WDR70: variants seen among roughly 807,000 people sequenced by gnomAD.
WDR70 encodes WD repeat domain 70, also known as WD repeat-containing protein 70.
Under a neutral mutation model 88.6 loss-of-function variants are expected in WDR70, and 53 were observed. That is an observed-to-expected ratio of 0.60 (90% CI 0.48 to 0.75). The LOEUF (loss-of-function observed/expected upper bound fraction) is 0.75. WDR70 is among the 30% of genes least tolerant of loss of function. The pLI, the probability that WDR70 is intolerant of heterozygous loss-of-function variation, is 0.00. For missense variants in WDR70, 610 were observed against 823.2 expected (o/e 0.74, Z 3.17); for synonymous variants, 280 against 270.0 (o/e 1.04, Z -0.36).
chr5:37,475,146 C>T (rs1053752370), intron 7 of WDR70, among the ~76,000 whole-genome samples: 13 of 151,954 alleles, frequency 8.6e-5, no homozygotes, highest in African/African-American at 2.9e-4. Flanking sequence ...TCTTGAACTC[C>T]TGGCCTCAAG....
intron 9 of WDR70, among the ~76,000 whole-genome samples, chr5:37,551,780 T>G (rs1366228646): frequency 6.9e-6 from 1 of 144,168 alleles, no homozygotes; most frequent in Non-Finnish European, 1.5e-5. Context: ...TTTTTTTTTT[T>G]TTTTTTTTTT....
chr5:37,639,825 G>A (rs920996827), intron 10 of WDR70, among the ~76,000 whole-genome samples: 3 of 152,058 alleles, frequency 2.0e-5, no homozygotes, highest in Non-Finnish European at 4.4e-5. Flanking sequence ...CTTTTAAATT[G>A]CCTATATCAT....
At chr5:37,716,560 C>A (rs74778538) in intron 13 of WDR70, among the ~76,000 whole-genome samples, 3,969 of 152,206 alleles carry the variant, frequency 0.026, 103 homozygotes, top group South Asian at 0.12. Flanking sequence ...ATTGACCCAG[C>A]TCCTCTATGT....
chr5:37,692,723 A>G (rs74973148), intron 10 of WDR70, among the ~76,000 whole-genome samples: 2 of 152,222 alleles, frequency 1.3e-5, no homozygotes, highest in Non-Finnish European at 2.9e-5. Context: ...TCTCAAATTA[A>G]TAAGAGCTAT....
chr5:37,598,416 CAT>C (rs1182950130), intron 9 of WDR70, among the ~76,000 whole-genome samples: 1 of 152,168 alleles, frequency 6.6e-6, no homozygotes. Context: ...GGGATATAAA[CAT>C]ATCTAGGATA....
At chr5:37,715,865 G>C (rs1581522457) in intron 13 of WDR70, among the ~76,000 whole-genome samples, 1 of 151,446 alleles carries the variant, frequency 6.6e-6, no homozygotes, top group East Asian at 1.9e-4. Context: ...ATTTGTTTTG[G>C]GTTCACATCT....
At chr5:37,389,262 TTTTGTA>T in intron 3 of WDR70, among the ~76,000 whole-genome samples, 1 of 147,422 alleles carries the variant, frequency 6.8e-6, no homozygotes, top group African/African-American at 2.7e-5. Context: ...CTGGCTAATT[TTTTGTA>T]TTTTAGTAGA....
At chr5:37,414,784 C>CTT (rs11339547) in intron 5 of WDR70, among the ~76,000 whole-genome samples, 19 of 147,094 alleles carry the variant, frequency 1.3e-4, no homozygotes, top group African/African-American at 3.2e-4. Flanking sequence ...CACAATTATT[C>CTT]TTTTTTTTTT....
intron 9 of WDR70, among the ~76,000 whole-genome samples, chr5:37,549,635 C>A (rs1165983997): frequency 6.6e-6 from 1 of 152,078 alleles, no homozygotes. Flanking sequence ...TTATAGGTTT[C>A]TTTTATCTGA....
chr5:37,484,566 C>T (rs917529940), intron 8 of WDR70, among the ~76,000 whole-genome samples: 9 of 151,508 alleles, frequency 5.9e-5, no homozygotes, highest in East Asian at 1.9e-4. Flanking sequence ...AGAGGGAGAC[C>T]GTGGGGAGAG....
chr5:37,406,493 TA>T (rs1460746218), intron 5 of WDR70, among the ~76,000 whole-genome samples: 1 of 152,218 alleles, frequency 6.6e-6, no homozygotes, highest in Non-Finnish European at 1.5e-5. Flanking sequence ...TCCTTCACTT[TA>T]AAGCTGTGTG....
chr5:37,508,945 A>G (rs1740639366), intron 8 of WDR70, among the ~76,000 whole-genome samples: 1 of 152,174 alleles, frequency 6.6e-6, no homozygotes. Context: ...GCTTTTAACT[A>G]TGAATTCAGT....
intron 5 of WDR70, among the ~76,000 whole-genome samples, chr5:37,403,222 A>G (rs1749255615): frequency 6.6e-6 from 1 of 152,126 alleles, no homozygotes; most frequent in Non-Finnish European, 1.5e-5. Context: ...TGCTGGGATT[A>G]CAGGCATGAG....
chr5:37,438,453 T>C (rs909986957), intron 6 of WDR70, among the ~76,000 whole-genome samples: 2 of 152,150 alleles, frequency 1.3e-5, no homozygotes, highest in African/African-American at 4.8e-5. Flanking sequence ...TATATTGTTA[T>C]ATTTACTTAT....
At chr5:37,478,035 A>G (rs1274516904) in intron 7 of WDR70, among the ~76,000 whole-genome samples, 3 of 152,250 alleles carry the variant, frequency 2.0e-5, no homozygotes, top group African/African-American at 7.2e-5. Context: ...TAATAGGGGC[A>G]GAAAAACATG....
At chr5:37,444,033 C>T (rs1464464928) in intron 7 of WDR70, among the ~76,000 whole-genome samples, 4 of 151,714 alleles carry the variant, frequency 2.6e-5, no homozygotes, top group South Asian at 2.1e-4. Context: ...CCTGTAATCC[C>T]AGCTACTTCG....
At chr5:37,481,432 C>A (rs1739666421) in intron 8 of WDR70, among the ~76,000 whole-genome samples, 1 of 152,156 alleles carries the variant, frequency 6.6e-6, no homozygotes, top group South Asian at 2.1e-4. Flanking sequence ...TTCTTGACTT[C>A]TGTGCATCTG....
At chr5:37,424,248 A>C (rs1439009480) in intron 5 of WDR70, among the ~76,000 whole-genome samples, 12 of 149,598 alleles carry the variant, frequency 8.0e-5, no homozygotes, top group African/African-American at 2.0e-4. Flanking sequence ...GTTCTTACAG[A>C]TGTCTCTGTG....
At chr5:37,687,488 G>C in intron 10 of WDR70, among the ~76,000 whole-genome samples, 1 of 152,210 alleles carries the variant, frequency 6.6e-6, no homozygotes, top group East Asian at 1.9e-4. Context: ...ACTGGATGGG[G>C]CTTGTTTTGT....
Sources: allele counts gnomAD v4.1 joint callset (sites outside exome capture counted in the v4.1 genomes callset), GRCh38; gene constraint gnomAD v4.1.1; transcripts MANE v1.5; gene names NCBI Gene and HGNC (gene_info 2026-07-23, HGNC 2026-07-21).